ROBO2: variants seen among roughly 807,000 people sequenced by gnomAD.
ROBO2 encodes roundabout guidance receptor 2.
A neutral mutation model predicts 160.8 loss-of-function variants in ROBO2; 53 were observed. The observed-to-expected ratio is 0.33, with a 90% CI of 0.26 to 0.41. ROBO2 has a LOEUF of 0.41. Among genes scored for constraint, ROBO2 ranks in the 10% least tolerant of loss-of-function variants. The probability of loss-of-function intolerance (pLI) is 1.00; values close to 1 mark genes in which losing one functional copy is unlikely to be tolerated. For synonymous variants in ROBO2, 664 were observed against 611.7 expected (o/e 1.09, Z -1.26); for missense variants, 1,577 against 1,722.4 (o/e 0.92, Z 1.49).
intron 2 of ROBO2, among the ~76,000 whole-genome samples, chr3:77,344,430 C>T (rs1169494383): frequency 6.6e-6 from 1 of 152,094 alleles, no homozygotes. Context: ...AGTGATTAGG[C>T]CATGAGGGCA....
At chr3:76,942,944 C>T (rs1238710163) in intron 2 of ROBO2, among the ~76,000 whole-genome samples, 7 of 152,102 alleles carry the variant, frequency 4.6e-5, no homozygotes, top group African/African-American at 1.7e-4. Flanking sequence ...AGAGGTCATA[C>T]TCCTGTTCAT....
chr3:77,571,532 A>G (rs1250951931), intron 13 of ROBO2, among the ~76,000 whole-genome samples: 2 of 152,082 alleles, frequency 1.3e-5, no homozygotes, highest in Non-Finnish European at 2.9e-5. Context: ...AAAGTTTAAG[A>G]GGTTGAAGCC....
chr3:77,623,397 C>T (rs1004778016), intron 23 of ROBO2, among the ~76,000 whole-genome samples: 1 of 152,180 alleles, frequency 6.6e-6, no homozygotes, highest in Non-Finnish European at 1.5e-5. Flanking sequence ...TTTATGCCAA[C>T]AGCTTCCAAA....
intron 2 of ROBO2, among the ~76,000 whole-genome samples, chr3:77,386,908 T>A (rs984625864): frequency 6.6e-6 from 1 of 151,914 alleles, no homozygotes; most frequent in Non-Finnish European, 1.5e-5. Flanking sequence ...CAGCCGATAA[T>A]TTTTTTATAA....
chr3:77,317,552 G>C, intron 2 of ROBO2: 1 of 1,376,006 alleles, frequency 7.3e-7, no homozygotes, highest in Non-Finnish European at 1.0e-6. Context: ...ATAGCCCTTG[G>C]TGAAGACATC....
intron 2 of ROBO2, among the ~76,000 whole-genome samples, chr3:76,720,305 G>A (rs1250731284): frequency 1.3e-5 from 2 of 152,126 alleles, no homozygotes; most frequent in African/African-American, 2.4e-5. Context: ...AAAATCTATT[G>A]TGTCCAAGCC....
intron 2 of ROBO2, among the ~76,000 whole-genome samples, chr3:76,799,534 T>C (rs1576693360): frequency 6.8e-6 from 1 of 146,892 alleles, no homozygotes; most frequent in Non-Finnish European, 1.5e-5. Context: ...AGTGGCAGGA[T>C]ACAAAATTAA....
intron 2 of ROBO2, among the ~76,000 whole-genome samples, chr3:76,657,731 AG>A (rs1560319780): frequency 1.5e-5 from 2 of 132,170 alleles, no homozygotes; most frequent in African/African-American, 7.0e-5. Context: ...TTCATATATG[AG>A]TGTATATATA....
chr3:77,408,539 G>C (rs937730577), intron 2 of ROBO2, among the ~76,000 whole-genome samples: 2 of 152,074 alleles, frequency 1.3e-5, no homozygotes, highest in Admixed American at 1.3e-4. Context: ...ATTTATAAAA[G>C]GGGGAACTTA....
At chr3:76,272,789 A>AAT (rs1310384440) in intron 2 of ROBO2, among the ~76,000 whole-genome samples, 14 of 16,220 alleles carry the variant, frequency 8.6e-4, no homozygotes, top group African/African-American at 1.7e-3. Flanking sequence ...AAATATATAA[A>AAT]ATATATATAT....
intron 2 of ROBO2, among the ~76,000 whole-genome samples, chr3:77,344,828 T>C (rs116463283): frequency 0.029 from 4,349 of 152,206 alleles, 234 homozygotes; most frequent in African/African-American, 0.098. Flanking sequence ...AATAATAATA[T>C]TAAAAGTTTT....
At chr3:77,512,975 C>T (rs558013901) in intron 5 of ROBO2, among the ~76,000 whole-genome samples, 15 of 151,748 alleles carry the variant, frequency 9.9e-5, no homozygotes, top group Non-Finnish European at 1.9e-4. Context: ...AGCCAGAAAT[C>T]TTATAATAAG....
chr3:76,540,953 C>A (rs1370729406), intron 2 of ROBO2, among the ~76,000 whole-genome samples: 2 of 152,084 alleles, frequency 1.3e-5, no homozygotes, highest in African/African-American at 4.8e-5. Flanking sequence ...GCATGCACCA[C>A]CGCATCTAGC....
chr3:76,421,580 G>A (rs2075998168), intron 2 of ROBO2, among the ~76,000 whole-genome samples: 1 of 150,886 alleles, frequency 6.6e-6, no homozygotes, highest in Admixed American at 6.6e-5. Context: ...TACAAAATTA[G>A]CCGGACATGG....
intron 2 of ROBO2, among the ~76,000 whole-genome samples, chr3:76,107,875 A>G (rs1050071323): frequency 6.6e-5 from 10 of 152,132 alleles, no homozygotes; most frequent in African/African-American, 2.4e-4. Flanking sequence ...TACCAACTCT[A>G]AATTTCTTAA....
At chr3:76,223,390 G>C (rs1355550724) in intron 2 of ROBO2, among the ~76,000 whole-genome samples, 2 of 151,896 alleles carry the variant, frequency 1.3e-5, no homozygotes, top group Non-Finnish European at 2.9e-5. Context: ...AGTAGGTAGG[G>C]GGGTAGGGAG....
intron 2 of ROBO2, among the ~76,000 whole-genome samples, chr3:76,847,188 C>G (rs990777409): frequency 6.6e-6 from 1 of 152,044 alleles, no homozygotes; most frequent in Non-Finnish European, 1.5e-5. Flanking sequence ...GTTAGATTTT[C>G]AGAAGTAGGA....
At chr3:76,974,562 T>C (rs1292686807) in intron 2 of ROBO2, among the ~76,000 whole-genome samples, 2 of 152,210 alleles carry the variant, frequency 1.3e-5, no homozygotes, top group Admixed American at 6.5e-5. Flanking sequence ...ACTATGTTCA[T>C]GTTTCGCTAA....
intron 2 of ROBO2, among the ~76,000 whole-genome samples, chr3:77,124,089 C>T (rs940242987): frequency 1.3e-5 from 2 of 151,664 alleles, no homozygotes; most frequent in African/African-American, 4.8e-5. Flanking sequence ...TACTGGAAAT[C>T]CCAGTGCCCA....
Sources: gnomAD v4.1 joint callset for allele counts (sites outside exome capture counted in the v4.1 genomes callset) on GRCh38, gnomAD v4.1.1 for gene constraint, MANE v1.5 for transcripts, NCBI Gene and HGNC (gene_info 2026-07-23, HGNC 2026-07-21) for gene names.